ROBO2: variants seen among roughly 807,000 people sequenced by gnomAD.
The protein encoded by ROBO2 is roundabout guidance receptor 2.
A neutral mutation model predicts 160.8 loss-of-function variants in ROBO2; 53 were observed. The ratio of observed to expected loss-of-function variants is 0.33; its 90% CI spans 0.26 to 0.41. ROBO2 has a LOEUF of 0.41. Among genes scored for constraint, ROBO2 ranks in the 10% least tolerant of loss-of-function variants. The pLI is 1.00. For missense variants in ROBO2, 1,577 were observed against 1,722.4 expected, an observed-to-expected ratio of 0.92 and a Z score of 1.49; for synonymous variants, 664 against 611.7, an observed-to-expected ratio of 1.09 and a Z score of -1.26.
chr3:77,557,893 C>T (rs910519711), intron 8 of ROBO2, 51 bp from the exon 10 acceptor site: 15 of 1,412,968 alleles, frequency 1.1e-5, no homozygotes, highest in East Asian at 2.3e-5. Flanking sequence ...TATATCAAGC[C>T]TACTGAACTA....
intron 2 of ROBO2, among the ~76,000 whole-genome samples, chr3:77,359,378 A>G (rs998111848): frequency 5.9e-5 from 9 of 152,202 alleles, no homozygotes; most frequent in African/African-American, 2.2e-4. Flanking sequence ...CATATAGCAT[A>G]AAACTGAAAC....
chr3:76,333,449 GT>G (rs2073642545), intron 2 of ROBO2, among the ~76,000 whole-genome samples: 1 of 152,044 alleles, frequency 6.6e-6, no homozygotes, highest in Admixed American at 6.6e-5. Flanking sequence ...AAAATACATA[GT>G]TATGTATGAC....
intron 2 of ROBO2, among the ~76,000 whole-genome samples, chr3:77,245,279 T>TG (rs1244180690): frequency 6.6e-6 from 1 of 152,062 alleles, no homozygotes; most frequent in Non-Finnish European, 1.5e-5. Context: ...TCATGGGGGG[T>TG]GGCTCAAATT....
intron 2 of ROBO2, among the ~76,000 whole-genome samples, chr3:76,757,055 A>G (rs1430637870): frequency 6.6e-6 from 1 of 151,836 alleles, no homozygotes. Context: ...TTATATTTTT[A>G]TAGTGCTTTG....
intron 2 of ROBO2, among the ~76,000 whole-genome samples, chr3:76,362,531 T>A (rs1340639365): frequency 2.0e-5 from 3 of 152,126 alleles, no homozygotes; most frequent in Non-Finnish European, 4.4e-5. Flanking sequence ...GAATAACCTC[T>A]CTAGATTTGA....
At chr3:76,736,366 C>T (rs915251459) in intron 2 of ROBO2, among the ~76,000 whole-genome samples, 9 of 151,060 alleles carry the variant, frequency 6.0e-5, no homozygotes, top group Non-Finnish European at 8.8e-5. Context: ...TAAGTGGATA[C>T]AATTTAGTGT....
chr3:77,180,781 A>G (rs1389193622), intron 2 of ROBO2, among the ~76,000 whole-genome samples: 1 of 151,998 alleles, frequency 6.6e-6, no homozygotes, highest in East Asian at 1.9e-4. Flanking sequence ...TTACATAAAA[A>G]CATATGTATA....
rs1383115621 is a variant in ROBO2, at chr3:76,886,935, T to G, written c.110-211079T>G. 5.3e-5 allele frequency among the ~76,000 whole-genome samples: 8 copies of G among 152,226 alleles called. No homozygotes were observed. In the East Asian group the frequency reaches 1.5e-3, roughly 29 times the overall value. On this transcript the variant is annotated intron_variant, in intron 2 of 26. Transcript: ENST00000487694. Reference sequence around the variant, plus strand: ...ATTCGAAGTGTTCAGTAGCCCCATGTGGCTAGTAGCCACTACCTTGGACAG... The same window carrying G: ...ATTCGAAGTGTTCAGTAGCCCCATGGGGCTAGTAGCCACTACCTTGGACAG...
chr3:75,955,811 T>C (rs1576290394), intron 2 of ROBO2, among the ~76,000 whole-genome samples: 1 of 151,818 alleles, frequency 6.6e-6, no homozygotes, highest in East Asian at 2.0e-4. Flanking sequence ...AAAGCACAGA[T>C]AGACAACTAG....
chr3:76,693,270 C>CTA (rs1362768026), intron 2 of ROBO2, among the ~76,000 whole-genome samples: 1 of 108,744 alleles, frequency 9.2e-6, no homozygotes, highest in Non-Finnish European at 1.8e-5. Context: ...ACATGTCTCT[C>CTA]TCTCTATATA....
rs747521584 is a variant in ROBO2, at chr3:76,655,439, C to CATATATAT, written c.110-442566_110-442559dup. On this transcript the variant is annotated intron_variant, in intron 2 of 26. Transcript: ENST00000487694. ...GTGTTTCTGTGTATGGATTTTTTTC[C>CATATATAT]ATATATATATATATATGGATTTTTT... 2.2e-3 allele frequency among the ~76,000 whole-genome samples: 127 copies of CATATATAT among 57,786 alleles called. 7 individuals are homozygous for CATATATAT. Among genetic ancestry groups the CATATATAT allele is most frequent in the African/African-American group, 4.0e-3 (76 of 19,106 alleles). The allele number at this position is 57,786 out of a possible 152,430, so 37.9% of individuals were successfully genotyped here.
intron 2 of ROBO2, among the ~76,000 whole-genome samples, chr3:77,462,461 C>T (rs2082342193): frequency 6.6e-6 from 1 of 152,218 alleles, no homozygotes; most frequent in Admixed American, 6.5e-5. Context: ...TAGCATCCTA[C>T]AGATATTTTA....
At chr3:76,498,515 G>T (rs2080277016) in intron 2 of ROBO2, among the ~76,000 whole-genome samples, 1 of 151,582 alleles carries the variant, frequency 6.6e-6, no homozygotes, top group African/African-American at 2.4e-5. Context: ...GCTGTATTTA[G>T]AAATTATATA....
At chr3:77,337,972 A>G (rs1177476436) in intron 2 of ROBO2, among the ~76,000 whole-genome samples, 1 of 152,166 alleles carries the variant, frequency 6.6e-6, no homozygotes, top group African/African-American at 2.4e-5. Flanking sequence ...GTATTGGTTG[A>G]TGTTTCATTT....
intron 5 of ROBO2, among the ~76,000 whole-genome samples, chr3:77,508,654 T>C (rs1375571367): frequency 1.3e-5 from 2 of 151,744 alleles, no homozygotes; most frequent in African/African-American, 2.4e-5. Context: ...ATGACCACCA[T>C]GTCAGTGATT....
chr3:77,568,786 C>G (rs568077658), intron 13 of ROBO2, among the ~76,000 whole-genome samples: 1 of 152,064 alleles, frequency 6.6e-6, no homozygotes, highest in South Asian at 2.1e-4. Context: ...CAAATGAAAT[C>G]CTGTGCCTGT....
At chr3:76,557,243 A>G (rs1005654738) in intron 2 of ROBO2, among the ~76,000 whole-genome samples, 1 of 151,952 alleles carries the variant, frequency 6.6e-6, no homozygotes, top group African/African-American at 2.4e-5. Flanking sequence ...TCTGTAATAT[A>G]TTATTTTTAT....
chr3:77,111,583 A>C (rs1232692535), intron 2 of ROBO2, among the ~76,000 whole-genome samples: 1 of 152,202 alleles, frequency 6.6e-6, no homozygotes, highest in Non-Finnish European at 1.5e-5. Context: ...CTTGTGATAC[A>C]TTCTGTGTAC....
intron 2 of ROBO2, among the ~76,000 whole-genome samples, chr3:77,292,088 A>C (rs1560451941): frequency 6.6e-6 from 1 of 151,728 alleles, no homozygotes; most frequent in Non-Finnish European, 1.5e-5. Flanking sequence ...CATAAAGTAA[A>C]ATTGACGGTT....
Sources: gnomAD v4.1 joint callset for allele counts (sites outside exome capture counted in the v4.1 genomes callset) on GRCh38, gnomAD v4.1.1 for gene constraint, MANE v1.5 for transcripts, NCBI Gene and HGNC (gene_info 2026-07-23, HGNC 2026-07-21) for gene names.